The following GABRR1 variants were observed in gnomAD, a reference collection of about 807,000 sequenced individuals.
The protein encoded by GABRR1 is gamma-aminobutyric acid receptor subunit rho-1.
Under a neutral mutation model 55.5 loss-of-function variants are expected in GABRR1, and 59 were observed. The ratio of observed to expected loss-of-function variants is 1.06; its 90% confidence interval spans 0.86 to 1.32. The LOEUF (loss-of-function observed/expected upper bound fraction) is 1.32. GABRR1 is among the 40% of genes most tolerant of loss of function. The pLI is 0.00. For synonymous variants in GABRR1, 213 were observed against 226.0 expected (o/e 0.94, Z 0.51); for missense variants, 602 against 619.1 (o/e 0.97, Z 0.29).
At position 89,185,507 on chromosome 6, in the gene GABRR1, T is replaced by C. The variant is rs532970394; in HGVS notation, c.656-57A>G. 19 of 1,500,714 alleles carry C rather than the reference T, an allele frequency of 1.3e-5. No individual in the cohort carries two copies. The African/African-American group carries it at 1.9e-4, about 15-fold the overall frequency. 93.0% of individuals were successfully genotyped at this position (1,500,714 alleles called of 1,614,324 possible). A position where few individuals can be genotyped will look rare whatever the true frequency, so the allele number is the denominator to read the frequency against. ...GGTGGTGGCAAGACAGGATGGTCTG[T>C]GGGGCTATGTAGAAGCTGTGTCCTG... On this transcript the variant is annotated intron_variant, in intron 6 of 9. Coordinates refer to ENST00000454853, the MANE Select transcript of GABRR1 (RefSeq NM_002042.5).
At chr6:89,220,995 C>T (rs964327301), upstream of GABRR1, among the ~76,000 whole-genome samples, 1 of 152,172 alleles carries the variant, frequency 6.6e-6, no homozygotes, top group Non-Finnish European at 1.5e-5. Flanking sequence ...GCTGGGGTTA[C>T]AGGCATGAGC....
At chr6:89,188,396 A>C (rs9294424) in intron 6 of GABRR1, among the ~76,000 whole-genome samples, 41,287 of 152,094 alleles carry the variant, frequency 0.27, 5,914 homozygotes, top group Non-Finnish European at 0.31. Context: ...ACAAAGGATA[A>C]GGGTTCTAAT....
Position 89,180,338 on chromosome 6 carries a change from T to C in GABRR1, c.1100A>G (p.Tyr367Cys), listed in dbSNP as rs890552948. ...CTTCCTCTCCTGCACAGTGGTCAGGTAGTTGACGGCCGCATACTCCAGCAC... is the reference window on the plus strand; with the variant it reads ...CTTCCTCTCCTGCACAGTGGTCAGGCAGTTGACGGCCGCATACTCCAGCAC... ...LSVLEYAAVN[Y>C]LTTVQERKEQ... Residue 367 changes from tyrosine to cysteine, a missense_variant, in exon 9 of 10, where the codon TAC becomes TGC. Coordinates refer to ENST00000454853, the MANE Select transcript of GABRR1 (RefSeq NM_002042.5). 3 of 1,613,758 alleles carry C rather than the reference T, an allele frequency of 1.9e-6. No homozygotes were observed. Among genetic ancestry groups the C allele is most frequent in the Admixed American group, 1.7e-5 (1 of 59,990 alleles).
At chr6:89,205,091 G>A (rs1335056022) in intron 1 of GABRR1, among the ~76,000 whole-genome samples, 1 of 152,212 alleles carries the variant, frequency 6.6e-6, no homozygotes, top group Non-Finnish European at 1.5e-5. Context: ...CCTGTTGCAT[G>A]TGTTAACTCA....
At chr6:89,179,133 G>T in intron 9 of GABRR1, 70 bp from the exon 10 acceptor site, 1 of 1,458,498 alleles carries the variant, frequency 6.9e-7, no homozygotes, top group Non-Finnish European at 9.3e-7. Flanking sequence ...AAAAGGAACT[G>T]CATAGTGGAG....
At chr6:89,213,089 G>C (rs1366500242) in intron 1 of GABRR1, among the ~76,000 whole-genome samples, 2 of 152,122 alleles carry the variant, frequency 1.3e-5, no homozygotes, top group Non-Finnish European at 2.9e-5. Context: ...GAGATTCTGG[G>C]AAAACATGAA....
At chr6:89,218,596 A>C (rs573292472), upstream of GABRR1, among the ~76,000 whole-genome samples, 7 of 152,248 alleles carry the variant, frequency 4.6e-5, no homozygotes, top group African/African-American at 1.4e-4. Flanking sequence ...AGTTGTTTGC[A>C]TAGGTTTAGT....
At chr6:89,187,909 T>G (rs1771961865) in intron 6 of GABRR1, among the ~76,000 whole-genome samples, 1 of 152,240 alleles carries the variant, frequency 6.6e-6, no homozygotes. Flanking sequence ...TTAGCAATTG[T>G]GAATAGAACT....
intron 1 of GABRR1, among the ~76,000 whole-genome samples, chr6:89,223,047 A>T (rs1020325501): frequency 3.4e-5 from 5 of 149,038 alleles, no homozygotes; most frequent in African/African-American, 1.2e-4. Flanking sequence ...CCTTGTCTAG[A>T]TTTTTTTTTT....
intron 1 of GABRR1, among the ~76,000 whole-genome samples, chr6:89,215,272 T>G (rs1466948437): frequency 6.6e-6 from 1 of 152,154 alleles, no homozygotes; most frequent in Non-Finnish European, 1.5e-5. Context: ...TTCATAACAG[T>G]CAAGTTATAG....
At chr6:89,203,128 G>A (rs1772530099) in intron 2 of GABRR1, among the ~76,000 whole-genome samples, 1 of 152,192 alleles carries the variant, frequency 6.6e-6, no homozygotes, top group Non-Finnish European at 1.5e-5. Flanking sequence ...GGCAGCAAAG[G>A]AGGTGGCCCA....
Position 89,201,222 on chromosome 6 carries a change from T to C in GABRR1, c.217A>G (p.Thr73Ala). ...ATCCTCAGAAGCTGTTCTGACTTTG[T>C]CAGAGGCGATTTGGTGATGTCAGGA... ...RSPDITKSPL[T>A]KSEQLLRIDD... Residue 73 changes from threonine (T) to alanine (A), a missense_variant, in exon 3 of 10, where the codon ACA (threonine) becomes GCA (alanine). Thr to Ala is a moderately conservative substitution (Grantham distance 58). Around this residue, in one of 3 missense-constraint regions of GABRR1, gnomAD observed 435 missense variants for 424.2 expected, o/e 1.03. Coordinates refer to ENST00000454853, the MANE Select transcript of GABRR1 (RefSeq NM_002042.5). The C allele has an allele frequency of 6.2e-7, 1 of 1,614,186 alleles. No individual in the cohort carries two copies. Among genetic ancestry groups the C allele is most frequent in the Non-Finnish European group, 8.5e-7 (1 of 1,180,024 alleles).
intron 1 of GABRR1, among the ~76,000 whole-genome samples, chr6:89,230,335 C>A (rs778480951): frequency 1.4e-5 from 2 of 142,520 alleles, no homozygotes; most frequent in Admixed American, 7.1e-5. Context: ...GGAGGAGAGG[C>A]GCTCTGCGTT....
intron 5 of GABRR1, among the ~76,000 whole-genome samples, chr6:89,194,912 CT>C (rs768219444): frequency 2.6e-5 from 4 of 152,026 alleles, no homozygotes; most frequent in Non-Finnish European, 5.9e-5. Flanking sequence ...AGGACCAAAT[CT>C]AAGAATTATT....
chr6:89,218,561 GTC>G (rs1196182408), upstream of GABRR1, among the ~76,000 whole-genome samples: 1 of 152,148 alleles, frequency 6.6e-6, no homozygotes, highest in African/African-American at 2.4e-5. Context: ...CTCTTACCCA[GTC>G]TCTCTACATT....
rs775793721 is a variant in GABRR1, at chr6:89,181,980, C to A, written c.874G>T (p.Ala292Ser). ...FFFLLQTYFP[A>S]TLMVMLSWVS... ...CAGGACAGCATGACCATCAGGGTAGCGGGGAAATAAGTTTGGAGCAAGAAG... is the reference window on the plus strand; with the variant it reads ...CAGGACAGCATGACCATCAGGGTAGAGGGGAAATAAGTTTGGAGCAAGAAG... Residue 292 changes from alanine to serine, a missense_variant, in exon 8 of 10, where the codon GCT becomes TCT. Physicochemically the swap from Ala to Ser is moderately conservative, Grantham distance 99. Around this residue, in one of 3 missense-constraint regions of GABRR1, gnomAD observed 435 missense variants for 424.2 expected, o/e 1.03. Coordinates refer to ENST00000454853, the MANE Select transcript of GABRR1 (RefSeq NM_002042.5). 3.7e-6 allele frequency: 6 copies of A among 1,613,804 alleles called. No individual in the cohort carries two copies. Among genetic ancestry groups the A allele is most frequent in the Non-Finnish European group, 5.1e-6 (6 of 1,179,994 alleles).
At chr6:89,203,316 C>T (rs1582396492) in intron 2 of GABRR1, 119 bp downstream of exon 2, 1 of 932,226 alleles carries the variant, frequency 1.1e-6, no homozygotes, top group Non-Finnish European at 1.8e-6. Flanking sequence ...TCTGGTCCCC[C>T]ACCCTCCACT....
Position 89,227,410 on chromosome 6 carries a change from T to C in GABRR1, c.-411+3806A>G, listed in dbSNP as rs543743500. Reference sequence around the variant, plus strand: ...TGGTATTGGCTGTGGGTGTCATAGATAGCTCTTATTATTTTGAAATACGTC... The same window carrying C: ...TGGTATTGGCTGTGGGTGTCATAGACAGCTCTTATTATTTTGAAATACGTC... On this transcript the variant is annotated intron_variant, in intron 1 of 11. Transcript: ENST00000369451. Among the ~76,000 whole-genome samples, 2 of 52,366 alleles carry C rather than the reference T, an allele frequency of 3.8e-5. 1 individual carries two copies. Among genetic ancestry groups the C allele is most frequent in the East Asian group, 9.5e-4 (2 of 2,114 alleles). The allele number at this position is 52,366 out of a possible 152,430, so 34.4% of individuals were successfully genotyped here. A position where few individuals can be genotyped will look rare whatever the true frequency, so the allele number is the denominator to read the frequency against.
intron 1 of GABRR1, among the ~76,000 whole-genome samples, chr6:89,214,871 T>TG (rs1772939515): frequency 6.6e-6 from 1 of 151,834 alleles, no homozygotes; most frequent in South Asian, 2.1e-4. Context: ...GAAAAAAAAA[T>TG]TTTTTTAATT....
Sources: gnomAD v4.1 joint callset for allele counts (sites outside exome capture counted in the v4.1 genomes callset) on GRCh38, gnomAD v4.1.1 for gene constraint, gnomAD v4.1.1 regional missense constraint, MANE v1.5 for transcripts, NCBI Gene and HGNC (gene_info 2026-07-23, HGNC 2026-07-21) for gene names.